DMD: variants seen among roughly 807,000 people sequenced by gnomAD.
The protein encoded by DMD is dystrophin.
DMD carries 63 observed loss-of-function variants against 330.1 expected under a neutral mutation model. The ratio of observed to expected loss-of-function variants is 0.19; its 90% CI spans 0.16 to 0.24. DMD has a LOEUF of 0.24. Among genes scored for constraint, DMD ranks in the 10% least tolerant of loss-of-function variants. The pLI is 1.00. For missense variants in DMD, 3,344 were observed against 2,684.1 expected (o/e 1.25, Z -5.43); for synonymous variants, 1,223 against 959.8 (o/e 1.27, Z -5.07).
At chrX:31,515,084 C>T (rs2072056146) in intron 55 of DMD, among the ~76,000 whole-genome samples, 1 of 110,112 alleles carries the variant, frequency 9.1e-6, no homozygotes, top group Non-Finnish European at 1.9e-5. Context: ...TAGAATGATC[C>T]ATGGTGTTCA....
chrX:32,552,282 A>G (rs1293972184), intron 16 of DMD, among the ~76,000 whole-genome samples: 1 of 111,683 alleles, frequency 9.0e-6, no homozygotes, highest in Admixed American at 9.5e-5. Context: ...ACATAAACCA[A>G]TGGAAAAGAA....
At chrX:31,866,672 A>G (rs56008625) in intron 48 of DMD, among the ~76,000 whole-genome samples, 11,927 of 112,035 alleles carry the variant, frequency 0.11, 493 homozygotes, top group African/African-American at 0.12. Context: ...GGTTAAAAAT[A>G]TAATCAATAT....
chrX:33,201,228 G>T (rs183131192), intron 1 of DMD, among the ~76,000 whole-genome samples: 2 of 111,428 alleles, frequency 1.8e-5, no homozygotes, highest in Non-Finnish European at 3.8e-5. Context: ...ACCGCGACCA[G>T]CCAATAACCA....
At chrX:32,540,685 AAAG>A (rs1344695377) in intron 17 of DMD, among the ~76,000 whole-genome samples, 1 of 112,157 alleles carries the variant, frequency 8.9e-6, no homozygotes, top group East Asian at 2.8e-4. Flanking sequence ...AGTAAAACAT[AAAG>A]AAGTGTAATA....
At chrX:33,181,832 A>T (rs1017780630) in intron 1 of DMD, among the ~76,000 whole-genome samples, 2 of 112,136 alleles carry the variant, frequency 1.8e-5, no homozygotes, top group African/African-American at 6.5e-5. Flanking sequence ...ACCTCTCAGC[A>T]GATTAGCTTC....
At chrX:31,526,396 A>C (rs1391801634) in intron 55 of DMD, among the ~76,000 whole-genome samples, 1 of 111,867 alleles carries the variant, frequency 8.9e-6, no homozygotes, top group Non-Finnish European at 1.9e-5. Flanking sequence ...TCTAACCAAA[A>C]ATCACTTGCA....
At chrX:31,341,576 G>A (rs887329984) in intron 61 of DMD, among the ~76,000 whole-genome samples, 3 of 111,270 alleles carry the variant, frequency 2.7e-5, no homozygotes, top group South Asian at 3.8e-4. Context: ...ATGGCCAAAC[G>A]AAGAGGAATA....
intron 16 of DMD, among the ~76,000 whole-genome samples, chrX:32,564,230 G>A (rs761716114): frequency 3.6e-5 from 4 of 112,035 alleles, no homozygotes; most frequent in Non-Finnish European, 7.5e-5. Context: ...CAATGCAAAT[G>A]AACTAGAAGA....
intron 42 of DMD, among the ~76,000 whole-genome samples, chrX:32,296,405 A>G (rs2097496599): frequency 9.0e-6 from 1 of 110,505 alleles, no homozygotes. Context: ...AAACAATTAA[A>G]CAAACAAACA....
chrX:32,205,239 CAAT>C (rs1173883866), intron 44 of DMD, among the ~76,000 whole-genome samples: 4 of 100,393 alleles, frequency 4.0e-5, no homozygotes, highest in Non-Finnish European at 6.0e-5. Context: ...ACAAAACCAA[CAAT>C]AAAATAAAAA....
At chrX:31,505,912 G>A (rs757711076) in intron 56 of DMD, among the ~76,000 whole-genome samples, 6 of 111,655 alleles carry the variant, frequency 5.4e-5, no homozygotes, top group Non-Finnish European at 7.5e-5. Flanking sequence ...GATTACAGGC[G>A]TGAGCCACTA....
At chrX:32,324,232 A>T in intron 41 of DMD, among the ~76,000 whole-genome samples, 2 of 111,807 alleles carry the variant, frequency 1.8e-5, no homozygotes, top group Admixed American at 1.9e-4. Flanking sequence ...CATTCTATGC[A>T]TGTAGCAAAA....
At chrX:32,342,307 C>A (rs1220162440) in intron 40 of DMD, 25 bp from the exon 41 acceptor site, 3 of 1,205,161 alleles carry the variant, frequency 2.5e-6, no homozygotes, top group Non-Finnish European at 3.4e-6. Context: ...CAATACAGGG[C>A]CCAGGGCAGT....
chrX:32,376,713 AT>A (rs1196951387), intron 34 of DMD, among the ~76,000 whole-genome samples: 1,261 of 102,332 alleles, frequency 0.012, 19 homozygotes, highest in African/African-American at 0.041. Context: ...AGAGAATCCA[AT>A]TTTTTTTTTT....
In DMD at chrX:33,320,215, C is replaced by A. The variant is rs904526250; in HGVS notation, c.7+19044G>T. ...GTGATGGTACGACAGACACCAAATG[C>A]CAATGGTACAATACGTTTAGTACAA... On this transcript the variant is annotated intron_variant, in intron 1 of 17. Transcript: ENST00000288447. Among the ~76,000 whole-genome samples the A allele has an allele frequency of 3.6e-5, 4 of 111,636 alleles. No homozygotes were observed. The East Asian group carries it at 1.1e-3, about 32-fold the overall frequency.
At chrX:33,124,240 G>A (rs756985946) in intron 1 of DMD, among the ~76,000 whole-genome samples, 15 of 108,998 alleles carry the variant, frequency 1.4e-4, no homozygotes, top group Non-Finnish European at 2.7e-4. Context: ...CACTTTGGGA[G>A]GCCAAGGCAT....
intron 17 of DMD, among the ~76,000 whole-genome samples, chrX:32,537,960 T>C (rs1233126408): frequency 8.9e-6 from 1 of 112,573 alleles, no homozygotes; most frequent in Non-Finnish European, 1.9e-5. Flanking sequence ...AGTGCATTTC[T>C]ATTCACAGCT....
At chrX:31,854,146 T>G (rs1312359732) in intron 48 of DMD, among the ~76,000 whole-genome samples, 1 of 112,361 alleles carries the variant, frequency 8.9e-6, no homozygotes, top group Non-Finnish European at 1.9e-5. Flanking sequence ...ATTGTTCAGT[T>G]GCACCTAATC....
intron 12 of DMD, among the ~76,000 whole-genome samples, chrX:32,600,598 G>GCACACA (rs201249837): frequency 0.052 from 4,924 of 95,197 alleles, 221 homozygotes; most frequent in African/African-American, 0.15. Flanking sequence ...ACACGCACAC[G>GCACACA]CACACACACA....
Sources: allele counts gnomAD v4.1 joint callset (sites outside exome capture counted in the v4.1 genomes callset), GRCh38; gene constraint gnomAD v4.1.1; transcripts MANE v1.5; gene names NCBI Gene and HGNC (gene_info 2026-07-23, HGNC 2026-07-21).